Variants in DCC observed in about 807,000 individuals in gnomAD.
The protein encoded by DCC is DCC netrin 1 receptor.
A neutral mutation model predicts 172.5 loss-of-function variants in DCC; 58 were observed. The ratio of observed to expected loss-of-function variants is 0.34; its 90% CI spans 0.27 to 0.42. DCC has a LOEUF of 0.42. DCC is among the 10% of genes least tolerant of loss of function. DCC has a pLI of 1.00. For missense variants in DCC, 1,740 were observed against 1,791.0 expected (o/e 0.97, Z 0.51); for synonymous variants, 709 against 644.5 (o/e 1.10, Z -1.52).
intron 5 of DCC, among the ~76,000 whole-genome samples, chr18:53,053,048 C>G (rs905625545): frequency 2.0e-5 from 3 of 152,036 alleles, no homozygotes; most frequent in Non-Finnish European, 4.4e-5. Context: ...AAGGCTGAGG[C>G]AGGAGAAGCA....
chr18:53,436,507 C>G (rs1173071966), intron 22 of DCC, among the ~76,000 whole-genome samples: 1 of 152,076 alleles, frequency 6.6e-6, no homozygotes, highest in Non-Finnish European at 1.5e-5. Flanking sequence ...GTGATTATTT[C>G]TTATCATAGG....
At chr18:53,240,048 A>C (rs1021376918) in intron 12 of DCC, among the ~76,000 whole-genome samples, 46 of 148,300 alleles carry the variant, frequency 3.1e-4, no homozygotes, top group Middle Eastern at 3.5e-3. Context: ...AAAAAAAAAA[A>C]AACAACAAAA....
intron 1 of DCC, among the ~76,000 whole-genome samples, chr18:52,701,868 G>C (rs2036129239): frequency 6.6e-6 from 1 of 152,118 alleles, no homozygotes; most frequent in African/African-American, 2.4e-5. Context: ...ATAAACCCCA[G>C]TTACAGGAAG....
intron 21 of DCC, among the ~76,000 whole-genome samples, chr18:53,417,076 C>T (rs1250204820): frequency 6.6e-6 from 1 of 152,194 alleles, no homozygotes; most frequent in Non-Finnish European, 1.5e-5. Flanking sequence ...TGGACACCTA[C>T]TGTGGGCAGT....
intron 1 of DCC, among the ~76,000 whole-genome samples, chr18:52,492,380 GA>G (rs1228174164): frequency 6.6e-6 from 1 of 151,970 alleles, no homozygotes; most frequent in East Asian, 1.9e-4. Context: ...GAAGGTGTGG[GA>G]GACATGATGG....
chr18:52,396,212 G>T (rs1052118076), intron 1 of DCC, among the ~76,000 whole-genome samples: 1 of 151,700 alleles, frequency 6.6e-6, no homozygotes, highest in Non-Finnish European at 1.5e-5. Flanking sequence ...CATGTTATTT[G>T]GGCAATAAAG....
intron 27 of DCC, among the ~76,000 whole-genome samples, chr18:53,524,157 G>A (rs1417207874): frequency 6.6e-6 from 1 of 151,846 alleles, no homozygotes; most frequent in Non-Finnish European, 1.5e-5. Context: ...CAAAACATAA[G>A]TATGTGAAGT....
chr18:53,302,303 C>T (rs954494044), intron 12 of DCC, among the ~76,000 whole-genome samples: 4 of 152,114 alleles, frequency 2.6e-5, no homozygotes, highest in African/African-American at 9.7e-5. Context: ...GAGTAACAAA[C>T]ATGACATCAA....
chr18:52,863,541 G>A (rs1560518), intron 2 of DCC, among the ~76,000 whole-genome samples: 131,410 of 151,720 alleles, frequency 0.87, 58,040 homozygotes, highest in Middle Eastern at 0.97. Context: ...AGTAATTAAT[G>A]TCTTAGCATT....
chr18:53,078,456 T>C (rs1352607708), intron 7 of DCC, among the ~76,000 whole-genome samples: 5 of 152,170 alleles, frequency 3.3e-5, no homozygotes, highest in Admixed American at 3.3e-4. Context: ...CATACTATTT[T>C]TTGGGTTTGA....
chr18:52,963,627 A>G (rs1329682043), intron 5 of DCC, among the ~76,000 whole-genome samples: 2 of 152,074 alleles, frequency 1.3e-5, no homozygotes, highest in African/African-American at 2.4e-5. Context: ...TGTGGAGGCC[A>G]GGTTAAAGGG....
intron 9 of DCC, among the ~76,000 whole-genome samples, chr18:53,189,225 A>G (rs536531036): frequency 2.6e-5 from 4 of 151,986 alleles, no homozygotes; most frequent in Non-Finnish European, 2.9e-5. Flanking sequence ...GTGTATATGT[A>G]TATATGTGTG....
chr18:52,872,089 T>C (rs1222023162), intron 2 of DCC, among the ~76,000 whole-genome samples: 1 of 152,086 alleles, frequency 6.6e-6, no homozygotes, highest in Non-Finnish European at 1.5e-5. Flanking sequence ...ATAAGGCAGA[T>C]TAATAAAAGG....
rs536017537 is a variant in DCC at position 53,418,502 on chromosome 18, A to C, written c.3163+2346A>C. 3.3e-5 allele frequency among the ~76,000 whole-genome samples: 5 copies of C among 152,300 alleles called. No individual in the cohort carries two copies. The South Asian group carries it at 1.0e-3, about 32-fold the overall frequency. On this transcript the variant is annotated intron_variant, in intron 21 of 28. Transcript: ENST00000442544. ...CCTATTTGCCCCCTTCTCATGGAGAAATGATCCCACTATTACATTTATGAC... is the reference window on the plus strand; with the variant it reads ...CCTATTTGCCCCCTTCTCATGGAGACATGATCCCACTATTACATTTATGAC...
intron 5 of DCC, among the ~76,000 whole-genome samples, chr18:52,963,113 TA>T (rs1163037145): frequency 6.6e-6 from 1 of 151,218 alleles, no homozygotes; most frequent in East Asian, 1.9e-4. Context: ...ATAATAAAAT[TA>T]AAAAAATAAA....
At chr18:52,745,114 C>T (rs1296229894) in intron 1 of DCC, among the ~76,000 whole-genome samples, 1 of 152,132 alleles carries the variant, frequency 6.6e-6, no homozygotes. Flanking sequence ...AACAATAGTC[C>T]TCTTTCTTGA....
chr18:52,693,781 G>A (rs1250614104), intron 1 of DCC, among the ~76,000 whole-genome samples: 1 of 152,012 alleles, frequency 6.6e-6, no homozygotes, highest in Non-Finnish European at 1.5e-5. Flanking sequence ...GCTCCCAATT[G>A]TCAGAGCTGA....
chr18:53,475,364 C>T (rs772840088), intron 25 of DCC, among the ~76,000 whole-genome samples: 4 of 152,200 alleles, frequency 2.6e-5, no homozygotes, highest in Non-Finnish European at 5.9e-5. Flanking sequence ...TTCACAGCAG[C>T]CCCTCACATC....
chr18:52,967,384 A>G (rs1460641187), intron 5 of DCC, among the ~76,000 whole-genome samples: 3 of 152,174 alleles, frequency 2.0e-5, no homozygotes. Context: ...TTTCTTAATG[A>G]CAATGTAATT....
Sources: allele counts gnomAD v4.1 joint callset (sites outside exome capture counted in the v4.1 genomes callset), GRCh38; gene constraint gnomAD v4.1.1; transcripts MANE v1.5; gene names NCBI Gene and HGNC (gene_info 2026-07-23, HGNC 2026-07-21).